AAK1: variants seen among roughly 807,000 people sequenced by gnomAD.
AAK1 encodes the protein AP2 associated kinase 1, also known as AP2-associated protein kinase 1.
AAK1 carries 37 observed loss-of-function variants against 116.0 expected under a neutral mutation model. The observed-to-expected ratio is 0.32, with a 90% confidence interval of 0.25 to 0.42. The LOEUF (loss-of-function observed/expected upper bound fraction) is 0.42, where lower values mean the gene tolerates loss of function less well. Ranked by LOEUF, AAK1 falls within the 10% of genes least tolerant of loss-of-function variation. The pLI, the probability that AAK1 is intolerant of heterozygous loss-of-function variation, is 1.00. For missense variants in AAK1, 919 were observed against 1,170.6 expected (o/e 0.79, Z 3.14); for synonymous variants, 458 against 439.9 (o/e 1.04, Z -0.51).
Position 69,530,539 on chromosome 2 carries a change from T to C in AAK1, c.738+86A>G. ...CCATGATATGGTACAGTAGCCACCA[T>C]GCTATAGCGCTGTGTGCATTAACCT... On this transcript the variant is annotated intron_variant, in intron 7 of 21. Coordinates refer to ENST00000409085, the MANE Select transcript of AAK1 (RefSeq NM_014911.5). 7 of 1,131,872 alleles carry C rather than the reference T, an allele frequency of 6.2e-6. 1 individual carries two copies. The highest frequency in any genetic ancestry group is 5.3e-5 in the South Asian group (4 of 75,704). 70.1% of individuals were successfully genotyped at this position (1,131,872 alleles called of 1,614,324 possible).
chr2:69,545,442 T>C (rs1302609391), intron 3 of AAK1, among the ~76,000 whole-genome samples: 3 of 152,228 alleles, frequency 2.0e-5, no homozygotes, highest in African/African-American at 4.8e-5. Context: ...CTAGTTTTAA[T>C]AAATTGTCTG....
At chr2:69,479,092 G>T in intron 19 of AAK1, 31 bp from the exon 20 acceptor site, 1 of 1,446,326 alleles carries the variant, frequency 6.9e-7, no homozygotes, top group East Asian at 2.3e-5. Flanking sequence ...TCCCAGGTCA[G>T]TGATGGCATT....
intron 2 of AAK1, chr2:69,594,611 A>G: frequency 2.0e-6 from 1 of 503,150 alleles, no homozygotes; most frequent in South Asian, 2.3e-5. Flanking sequence ...CCACAGGCCG[A>G]AAGTGAGGCC....
rs143510296 is a variant in AAK1, at chr2:69,549,957, C to T, written c.283-5413G>A. Among the ~76,000 whole-genome samples, 925 of 152,268 alleles carry T rather than the reference C, an allele frequency of 6.1e-3. 9 individuals carry two copies. Among genetic ancestry groups the T allele is most frequent in the African/African-American group, 0.021 (890 of 41,554 alleles). ...TCAATGTATCTTCTATTTCTTTAAA[C>T]GAGTTATTTGTTAAATGTAAAATAA... On this transcript the variant is annotated intron_variant, in intron 3 of 21. Coordinates refer to ENST00000409085, the MANE Select transcript of AAK1 (RefSeq NM_014911.5).
At chr2:69,482,606 G>A (rs1675135929) in intron 18 of AAK1, 105 bp downstream of exon 18, 1 of 888,544 alleles carries the variant, frequency 1.1e-6, no homozygotes, top group Non-Finnish European at 1.9e-6. Flanking sequence ...TTGGCTTCTG[G>A]GGTGGCAGGG....
chr2:69,598,864 C>T (rs973568393), intron 2 of AAK1: 4 of 276,576 alleles, frequency 1.4e-5, no homozygotes, highest in Non-Finnish European at 2.9e-5. Context: ...TCTGTCAACT[C>T]AGATGTGTGA....
At chr2:69,575,796 G>T (rs1672293204) in intron 2 of AAK1, among the ~76,000 whole-genome samples, 1 of 152,140 alleles carries the variant, frequency 6.6e-6, no homozygotes, top group African/African-American at 2.4e-5. Context: ...AATAAAGACA[G>T]GATCAGTATT....
At chr2:69,600,643 T>C (rs1371072172) in intron 2 of AAK1, among the ~76,000 whole-genome samples, 1 of 152,232 alleles carries the variant, frequency 6.6e-6, no homozygotes, top group Non-Finnish European at 1.5e-5. Context: ...CCGGTGAAGA[T>C]GCTGTGAACA....
chr2:69,521,409 G>A (rs1669772796), intron 10 of AAK1, among the ~76,000 whole-genome samples: 2 of 152,182 alleles, frequency 1.3e-5, no homozygotes, highest in African/African-American at 4.8e-5. Flanking sequence ...TTTCAGATGC[G>A]AAGAGGATTC....
chr2:69,625,591 G>C (rs1674861277), intron 2 of AAK1, among the ~76,000 whole-genome samples: 1 of 152,222 alleles, frequency 6.6e-6, no homozygotes, highest in African/African-American at 2.4e-5. Flanking sequence ...TCAGAGTACA[G>C]TATGTGGTGA....
intron 2 of AAK1, among the ~76,000 whole-genome samples, chr2:69,607,117 G>C (rs1449716209): frequency 1.3e-5 from 2 of 151,772 alleles, no homozygotes; most frequent in Non-Finnish European, 2.9e-5. Context: ...AAGCAAGAAG[G>C]TTTGACAGAG....
intron 2 of AAK1, among the ~76,000 whole-genome samples, chr2:69,567,789 G>A (rs77246240): frequency 0.023 from 3,525 of 152,260 alleles, 138 homozygotes; most frequent in African/African-American, 0.082. Context: ...GGAACTTTAA[G>A]GGGAGCTTCA....
At position 69,609,650 on chromosome 2, in the gene AAK1, T is replaced by A. The variant is rs1673976510; in HGVS notation, c.163+33228A>T. 2.0e-5 allele frequency among the ~76,000 whole-genome samples: 3 copies of A among 152,034 alleles called. No homozygotes were observed. In the South Asian group the frequency reaches 6.2e-4, roughly 32 times the overall value. On this transcript the variant is annotated intron_variant, in intron 2 of 21. Transcript: ENST00000409085. ...TTGCACCCCAGCCTGGGTGACACAG[T>A]GAGACTCCATCTAAAAAATAATAAT...
intron 2 of AAK1, among the ~76,000 whole-genome samples, chr2:69,627,935 C>T (rs1475206388): frequency 6.6e-6 from 1 of 152,188 alleles, no homozygotes; most frequent in Non-Finnish European, 1.5e-5. Flanking sequence ...TTTATTGACA[C>T]CATTATCTAC....
At chr2:69,527,345 A>C (rs570764533) in intron 8 of AAK1, 26 bp from the exon 9 acceptor site, 1 of 1,432,216 alleles carries the variant, frequency 7.0e-7, no homozygotes, top group Admixed American at 1.9e-5. Context: ...GAATTTATTT[A>C]ATAATATTCC....
At chr2:69,534,866 G>A (rs1017671603) in intron 5 of AAK1, among the ~76,000 whole-genome samples, 2 of 152,154 alleles carry the variant, frequency 1.3e-5, no homozygotes, top group Admixed American at 1.3e-4. Flanking sequence ...TTTACAATTT[G>A]GCAATGTTTC....
intron 3 of AAK1, among the ~76,000 whole-genome samples, chr2:69,548,485 TTTC>T (rs1375784184): frequency 6.6e-6 from 1 of 152,002 alleles, no homozygotes; most frequent in East Asian, 1.9e-4. Flanking sequence ...TTCCTTTCTT[TTTC>T]TTTCTCTCTC....
chr2:69,598,928 C>T, intron 2 of AAK1: 1 of 414,812 alleles, frequency 2.4e-6, no homozygotes, highest in East Asian at 8.0e-5. Flanking sequence ...ATAGATTATG[C>T]TAAGGAACAT....
intron 17 of AAK1, among the ~76,000 whole-genome samples, chr2:69,487,549 T>TTGC (rs1675344753): frequency 6.6e-6 from 1 of 152,168 alleles, no homozygotes; most frequent in African/African-American, 2.4e-5. Context: ...AGAAGTGACT[T>TTGC]CTTTGGATGC....
Sources: gnomAD v4.1 joint callset for allele counts (sites outside exome capture counted in the v4.1 genomes callset) on GRCh38, gnomAD v4.1.1 for gene constraint, MANE v1.5 for transcripts, NCBI Gene and HGNC (gene_info 2026-07-23, HGNC 2026-07-21) for gene names.